The following MLIP variants were observed in gnomAD, a reference collection of about 807,000 sequenced individuals.
MLIP encodes the protein muscular LMNA interacting protein.
MLIP carries 79 observed loss-of-function variants against 84.8 expected under a neutral mutation model. That is an observed-to-expected ratio of 0.93 (90% confidence interval 0.78 to 1.12). The LOEUF is 1.12. Ranked by LOEUF, MLIP falls within the 50% of genes most tolerant of loss-of-function variation. MLIP has a pLI of 0.00. For missense variants in MLIP, 1,257 were observed against 1,160.6 expected (o/e 1.08, Z -1.21); for synonymous variants, 504 against 463.0 (o/e 1.09, Z -1.14).
At chr6:54,233,339 C>T (rs143036939) in intron 12 of MLIP, among the ~76,000 whole-genome samples, 104 of 152,090 alleles carry the variant, frequency 6.8e-4, no homozygotes, top group African/African-American at 2.1e-3. Context: ...GCCCCCCACC[C>T]CCCAACAGGC....
chr6:54,149,130 C>T lies in MLIP; in HGVS notation c.2289+3C>T, dbSNP rs113853789. ...ACACATTGCTTTTGGAACAGAAGGT[C>T]AGTGTTGGCTCAAAAACAGTGAATT... On this transcript the variant is annotated splice_donor_region_variant and intron_variant, in intron 5 of 13. Transcript: ENST00000502396. 1.7e-4 allele frequency: 271 copies of T among 1,610,774 alleles called. No homozygotes were observed. In the African/African-American group the frequency reaches 3.0e-3, roughly 18 times the overall value.
chr6:54,226,391 A>G (rs1780574114), intron 11 of MLIP, among the ~76,000 whole-genome samples: 1 of 152,158 alleles, frequency 6.6e-6, no homozygotes, highest in Non-Finnish European at 1.5e-5. Flanking sequence ...CAGGAGATTG[A>G]AAATGTCTTT....
intron 1 of MLIP, among the ~76,000 whole-genome samples, chr6:54,033,154 G>A (rs1425282654): frequency 6.6e-6 from 1 of 152,052 alleles, no homozygotes; most frequent in African/African-American, 2.4e-5. Context: ...TCATGATATA[G>A]ATAATAGGCA....
rs1158029723 is a variant in MLIP at position 54,068,695 on chromosome 6, G to A, written c.63+49604G>A. On this transcript the variant is annotated intron_variant, in intron 1 of 12. Coordinates refer to the MLIP transcript ENST00000274897. ...AACAACAGTCTTAAGCACTTTGAAT[G>A]TATTTTTAACCTCGTTTCCCATGAC... 3.0e-5 allele frequency among the ~76,000 whole-genome samples: 3 copies of A among 101,032 alleles called. 1 individual carries two copies. The highest frequency in any genetic ancestry group is 5.7e-5 in the Non-Finnish European group (2 of 35,148). The allele number at this position is 101,032 out of a possible 152,430, so 66.3% of individuals were successfully genotyped here.
At chr6:54,203,643 T>G (rs1778844412) in intron 11 of MLIP, 2 of 152,614 alleles carry the variant, frequency 1.3e-5, no homozygotes, top group Non-Finnish European at 2.9e-5. Context: ...TGGAGCTCAA[T>G]GGCGCCATCT....
At chr6:54,186,434 A>G (rs767637421) in intron 9 of MLIP, among the ~76,000 whole-genome samples, 2 of 152,230 alleles carry the variant, frequency 1.3e-5, no homozygotes, top group Non-Finnish European at 2.9e-5. Context: ...CCTGGATGCC[A>G]TAAATGAAGT....
At chr6:54,105,138 C>T (rs1768919294) in intron 1 of MLIP, among the ~76,000 whole-genome samples, 1 of 152,158 alleles carries the variant, frequency 6.6e-6, no homozygotes, top group African/African-American at 2.4e-5. Context: ...AGACCAGAAC[C>T]TATTTTTGCT....
At chr6:54,171,299 A>T (rs921536362) in intron 9 of MLIP, among the ~76,000 whole-genome samples, 1 of 151,690 alleles carries the variant, frequency 6.6e-6, no homozygotes, top group Non-Finnish European at 1.5e-5. Context: ...ACCATCAAAC[A>T]GGTTCAGTAT....
intron 1 of MLIP, among the ~76,000 whole-genome samples, chr6:54,025,453 A>G (rs981340726): frequency 1.3e-5 from 2 of 152,230 alleles, no homozygotes; most frequent in Non-Finnish European, 2.9e-5. Context: ...GGATGTATGT[A>G]TCTTTATACC....
chr6:54,052,933 G>A lies in MLIP; in HGVS notation c.63+33842G>A, dbSNP rs112133891. On this transcript the variant is annotated intron_variant, in intron 1 of 12. Coordinates refer to the MLIP transcript ENST00000274897. ...GCTGGTCTACTTTGAGGTATTGTAA[G>A]AGGGAGATATGTGGATTGGGGAAAT... Among the ~76,000 whole-genome samples the A allele has an allele frequency of 3.7e-3, 558 of 152,264 alleles. 2 individuals carry two copies. Among genetic ancestry groups the A allele is most frequent in the Non-Finnish European group, 5.9e-3 (404 of 67,998 alleles).
intron 9 of MLIP, among the ~76,000 whole-genome samples, chr6:54,188,954 A>G (rs1328437977): frequency 6.6e-6 from 1 of 152,218 alleles, no homozygotes; most frequent in Non-Finnish European, 1.5e-5. Flanking sequence ...CAGCATCTGC[A>G]AAAGACAGAA....
chr6:54,064,747 A>G (rs566249227), intron 1 of MLIP, among the ~76,000 whole-genome samples: 1 of 99,314 alleles, frequency 1.0e-5, no homozygotes, highest in Admixed American at 9.4e-5. Flanking sequence ...GGGGGACTCT[A>G]GAGTTAGCAA....
intron 13 of MLIP, 62 bp downstream of exon 13, chr6:54,257,423 C>G (rs1783082241): frequency 7.9e-7 from 1 of 1,266,954 alleles, no homozygotes; most frequent in Non-Finnish European, 1.1e-6. Context: ...AGAAATAAAC[C>G]AATCTTATTT....
At chr6:54,262,042 T>G (rs1783423854) in intron 13 of MLIP, among the ~76,000 whole-genome samples, 1 of 151,948 alleles carries the variant, frequency 6.6e-6, no homozygotes, top group Non-Finnish European at 1.5e-5. Flanking sequence ...CCTGAGTAGA[T>G]AGCCACCTTT....
chr6:54,259,970 A>G (rs1783275563), intron 13 of MLIP, among the ~76,000 whole-genome samples: 1 of 151,910 alleles, frequency 6.6e-6, no homozygotes, highest in Admixed American at 6.6e-5. Context: ...TTATGACTAT[A>G]TGACCTAAAG....
intron 11 of MLIP, among the ~76,000 whole-genome samples, chr6:54,209,674 T>C (rs1779280956): frequency 6.6e-6 from 1 of 152,130 alleles, no homozygotes; most frequent in Non-Finnish European, 1.5e-5. Flanking sequence ...AAGGGCAGCA[T>C]GTCCTCTAAC....
chr6:54,219,047 CA>C (rs536346603), intron 11 of MLIP, among the ~76,000 whole-genome samples: 5 of 148,352 alleles, frequency 3.4e-5, no homozygotes, highest in Non-Finnish European at 6.0e-5. Context: ...ACTAAAAGTA[CA>C]AAAAAAAATT....
At chr6:54,203,811 C>T (rs1389296289) in intron 11 of MLIP, 2 of 152,238 alleles carry the variant, frequency 1.3e-5, no homozygotes, top group African/African-American at 2.4e-5. Context: ...GTCTCAAACT[C>T]GTGACCTCAG....
intron 1 of MLIP, among the ~76,000 whole-genome samples, chr6:54,074,975 G>A (rs1766708637): frequency 1.3e-5 from 2 of 152,054 alleles, no homozygotes; most frequent in South Asian, 2.1e-4. Context: ...CTGGCCAGGC[G>A]CGGTGGTTCA....
Sources: allele counts gnomAD v4.1 joint callset (sites outside exome capture counted in the v4.1 genomes callset), GRCh38; gene constraint gnomAD v4.1.1; transcripts MANE v1.5; gene names NCBI Gene and HGNC (gene_info 2026-07-23, HGNC 2026-07-21).